The following SLC44A2 variants were observed in gnomAD, a reference collection of about 807,000 sequenced individuals.
The protein encoded by SLC44A2 is solute carrier family 44 member 2 (CTL2 blood group), also known as choline transporter-like protein 2.
SLC44A2 carries 57 observed loss-of-function variants against 90.8 expected under a neutral mutation model. The observed-to-expected ratio is 0.63, with a 90% CI of 0.51 to 0.78. The LOEUF is 0.78. Ranked by LOEUF, SLC44A2 falls within the 30% of genes least tolerant of loss-of-function variation. The probability of loss-of-function intolerance (pLI) is 0.00; values close to 1 mark genes in which losing one functional copy is unlikely to be tolerated. For missense variants in SLC44A2, 794 were observed against 919.7 expected (o/e 0.86, Z 1.77); for synonymous variants, 355 against 360.7 (o/e 0.98, Z 0.18).
chr19:10,632,797 C>T (rs1268970869), intron 10 of SLC44A2, among the ~76,000 whole-genome samples: 1 of 151,384 alleles, frequency 6.6e-6, no homozygotes, highest in African/African-American at 2.4e-5. Context: ...CTCAGCCTCC[C>T]AAGTAGCTGG....
At chr19:10,621,422 G>T (rs1192296361), upstream of SLC44A2, among the ~76,000 whole-genome samples, 9 of 89,432 alleles carry the variant, frequency 1.0e-4, no homozygotes, top group South Asian at 4.3e-4. Context: ...ATGGTTGGGT[G>T]TTTTTTTTTT....
At chr19:10,609,625 C>G (rs999204799) in intron 1 of SLC44A2, among the ~76,000 whole-genome samples, 2 of 152,116 alleles carry the variant, frequency 1.3e-5, no homozygotes, top group Non-Finnish European at 2.9e-5. Flanking sequence ...ACTAAAAAAA[C>G]CACACATTAT....
chr19:10,641,362 C>G (rs1359058701), intron 20 of SLC44A2: 3 of 438,336 alleles, frequency 6.8e-6, no homozygotes, highest in Admixed American at 2.7e-5. Context: ...CCACTGCACT[C>G]TAGCCTGAGC....
chr19:10,635,736 C>T (rs1018418647), intron 14 of SLC44A2: 7 of 467,892 alleles, frequency 1.5e-5, no homozygotes, highest in Non-Finnish European at 2.3e-5. Context: ...ACCAGGCCTT[C>T]ACCCTGGGTG....
intron 1 of SLC44A2, among the ~76,000 whole-genome samples, chr19:10,613,131 C>T (rs1045601316): frequency 6.6e-6 from 1 of 151,900 alleles, no homozygotes; most frequent in African/African-American, 2.4e-5. Context: ...GATCACAGCT[C>T]ACTGCAGCCT....
chr19:10,634,925 C>A lies in SLC44A2; in HGVS notation c.955+38C>A, dbSNP rs1035152559. 3.7e-6 allele frequency: 6 copies of A among 1,614,062 alleles called. No individual in the cohort carries two copies. In the African/African-American group the frequency reaches 5.3e-5, roughly 14 times the overall value. On this transcript the variant is annotated intron_variant, in intron 11 of 21. Coordinates refer to ENST00000335757, the MANE Select transcript of SLC44A2 (RefSeq NM_020428.4). ...CTCCCATTCCTGCCCCCACATGAGG[C>A]CTTGGAGGGAGTGGGGAGCCCAGCC...
At chr19:10,610,210 A>ATAT (rs971056472) in intron 1 of SLC44A2, among the ~76,000 whole-genome samples, 2 of 151,520 alleles carry the variant, frequency 1.3e-5, no homozygotes, top group African/African-American at 4.8e-5. Context: ...AAGAAAAAAA[A>ATAT]ATATATATAT....
At chr19:10,608,179 C>T (rs1009908865) in intron 1 of SLC44A2, among the ~76,000 whole-genome samples, 16 of 150,960 alleles carry the variant, frequency 1.1e-4, no homozygotes, top group Middle Eastern at 3.4e-3. Flanking sequence ...GCCGAGATCG[C>T]GCCACTGCAC....
chr19:10,618,097 C>T (rs1457692886), intron 1 of SLC44A2, among the ~76,000 whole-genome samples: 2 of 152,158 alleles, frequency 1.3e-5, no homozygotes, highest in South Asian at 2.1e-4. Flanking sequence ...CTCCGCCTCC[C>T]GGGTTCATGC....
intron 1 of SLC44A2, among the ~76,000 whole-genome samples, chr19:10,610,416 C>A (rs550664850): frequency 1.4e-5 from 2 of 144,550 alleles, no homozygotes; most frequent in African/African-American, 5.1e-5. Context: ...ACTGCAAGCT[C>A]CGCCTCCCGG....
intron 1 of SLC44A2, among the ~76,000 whole-genome samples, chr19:10,619,060 T>C (rs755335116): frequency 3.5e-5 from 5 of 142,794 alleles, no homozygotes; most frequent in Non-Finnish European, 6.0e-5. Flanking sequence ...AACCTGAACC[T>C]CCTGGGCTGA....
At chr19:10,625,486 G>T (rs2066922362), upstream of SLC44A2, 2 of 1,219,530 alleles carry the variant, frequency 1.6e-6, no homozygotes, top group Non-Finnish European at 2.0e-6. Context: ...AGCTCGGGCC[G>T]GTCTGACCGG....
chr19:10,613,045 T>C (rs1918352907), intron 1 of SLC44A2, among the ~76,000 whole-genome samples: 1 of 151,740 alleles, frequency 6.6e-6, no homozygotes, highest in Admixed American at 6.6e-5. Context: ...AGTTTTTGTT[T>C]TGTTATTTTT....
At chr19:10,637,044 T>G in intron 16 of SLC44A2, 1 of 374,390 alleles carries the variant, frequency 2.7e-6, no homozygotes, top group Non-Finnish European at 4.9e-6. Flanking sequence ...ATATTTGCGC[T>G]GAAGAGAGCA....
intron 9 of SLC44A2, 21 bp downstream of exon 9, chr19:10,631,972 C>A (rs1024863799): frequency 1.9e-6 from 3 of 1,613,242 alleles, no homozygotes; most frequent in Non-Finnish European, 2.5e-6. Flanking sequence ...AGGGAAGGGG[C>A]CTCTCCCCTG....
chr19:10,615,218 G>A (rs56121920), intron 1 of SLC44A2, among the ~76,000 whole-genome samples: 9,845 of 151,316 alleles, frequency 0.065, 387 homozygotes, highest in Middle Eastern at 0.11. Flanking sequence ...ATCATTTGAG[G>A]TCAGGACTTC....
intron 10 of SLC44A2, among the ~76,000 whole-genome samples, chr19:10,632,839 A>ATTTT (rs1268916675): frequency 8.6e-5 from 13 of 151,176 alleles, no homozygotes; most frequent in Non-Finnish European, 1.8e-4. Flanking sequence ...TGCCCGGCTG[A>ATTTT]TTTCGTATTT....
intron 20 of SLC44A2, 52 bp downstream of exon 20, chr19:10,638,367 T>A: frequency 6.5e-7 from 1 of 1,541,932 alleles, no homozygotes; most frequent in Non-Finnish European, 9.0e-7. Flanking sequence ...GGTGTTGGGA[T>A]TTGCTTGGTC....
chr19:10,631,826 A>G, intron 8 of SLC44A2, 42 bp from the exon 9 acceptor site: 3 of 1,614,220 alleles, frequency 1.9e-6, no homozygotes, highest in Non-Finnish European at 2.5e-6. Context: ...TGGCCTGATC[A>G]TGGAAGAGGG....
Sources: gnomAD v4.1 joint callset for allele counts (sites outside exome capture counted in the v4.1 genomes callset) on GRCh38, gnomAD v4.1.1 for gene constraint, MANE v1.5 for transcripts, NCBI Gene and HGNC (gene_info 2026-07-23, HGNC 2026-07-21) for gene names.